Variants in SUSD1 observed in about 807,000 individuals in gnomAD.
The protein encoded by SUSD1 is sushi domain-containing protein 1.
A neutral mutation model predicts 86.9 loss-of-function variants in SUSD1; 65 were observed. The observed-to-expected ratio is 0.75, with a 90% CI of 0.61 to 0.92. The LOEUF is 0.92. Among genes scored for constraint, SUSD1 ranks in the 40% least tolerant of loss-of-function variants. The pLI, the probability that SUSD1 is intolerant of heterozygous loss-of-function variation, is 0.00. For missense variants in SUSD1, 850 were observed against 929.7 expected (o/e 0.91, Z 1.11); for synonymous variants, 346 against 350.0 (o/e 0.99, Z 0.13).
intron 10 of SUSD1, among the ~76,000 whole-genome samples, chr9:112,081,445 G>A (rs757200106): frequency 6.6e-6 from 1 of 152,180 alleles, no homozygotes; most frequent in Non-Finnish European, 1.5e-5. Flanking sequence ...AGATGAACAG[G>A]TGGTAAGGAA....
At chr9:112,133,028 A>G (rs1162656459) in intron 5 of SUSD1, among the ~76,000 whole-genome samples, 1 of 152,226 alleles carries the variant, frequency 6.6e-6, no homozygotes, top group Non-Finnish European at 1.5e-5. Flanking sequence ...CTGTAATCCT[A>G]GTACTTTGGA....
At chr9:112,046,270 T>C (rs1401185358) in intron 15 of SUSD1, among the ~76,000 whole-genome samples, 1 of 152,262 alleles carries the variant, frequency 6.6e-6, no homozygotes, top group Non-Finnish European at 1.5e-5. Flanking sequence ...GTATTTTTTA[T>C]AGCCTCACCA....
intron 1 of SUSD1, among the ~76,000 whole-genome samples, chr9:112,158,124 A>T (rs147249873): frequency 5.2e-4 from 79 of 152,000 alleles, no homozygotes; most frequent in Non-Finnish European, 9.0e-4. Context: ...GAGCTAGGCC[A>T]CAGTCAATGC....
intron 5 of SUSD1, among the ~76,000 whole-genome samples, chr9:112,137,400 T>A (rs1375559505): frequency 6.6e-6 from 1 of 152,170 alleles, no homozygotes; most frequent in Non-Finnish European, 1.5e-5. Flanking sequence ...TCTAAATTAA[T>A]TTTCTACATT....
intron 11 of SUSD1, among the ~76,000 whole-genome samples, chr9:112,079,763 C>T (rs1327533884): frequency 6.6e-6 from 1 of 152,028 alleles, no homozygotes; most frequent in East Asian, 1.9e-4. Context: ...CCACTACGCT[C>T]GGCTAATTTT....
intron 1 of SUSD1, among the ~76,000 whole-genome samples, chr9:112,163,379 C>G (rs1208212948): frequency 1.3e-5 from 2 of 151,946 alleles, no homozygotes; most frequent in Non-Finnish European, 2.9e-5. Context: ...GTTGCCCAGG[C>G]TGGTTTCAAG....
At chr9:112,099,850 A>G (rs1830552797) in intron 9 of SUSD1, among the ~76,000 whole-genome samples, 1 of 151,948 alleles carries the variant, frequency 6.6e-6, no homozygotes, top group African/African-American at 2.4e-5. Context: ...TCTCTCTCAA[A>G]CTCTTTGAAT....
In SUSD1 at chr9:112,175,108, C is replaced by A. The variant is rs1834220369; in HGVS notation, c.103+25G>T. The stretch of plus-strand genomic sequence containing the variant: ...CCAGCCGGGGGCCCCGCCGGCCGCC[C>A]GTGCCCGTCCCAGCCCGCACTCACC... On this transcript the variant is annotated intron_variant, in intron 1 of 16. Coordinates refer to ENST00000374270, the MANE Select transcript of SUSD1 (RefSeq NM_022486.5). The surrounding 1 kb of genome is among the most constrained non-coding windows in gnomAD (Gnocchi z 4.7). The A allele has an allele frequency of 7.9e-6, 8 of 1,016,156 alleles. No homozygotes were observed. The highest frequency in any genetic ancestry group is 4.5e-5 in the South Asian group (1 of 22,338). 62.9% of individuals were successfully genotyped at this position (1,016,156 alleles called of 1,614,324 possible).
chr9:112,133,120 T>TA (rs796252877), intron 5 of SUSD1, among the ~76,000 whole-genome samples: 1 of 152,034 alleles, frequency 6.6e-6, no homozygotes, highest in East Asian at 1.9e-4. Flanking sequence ...TCTACAAAAA[T>TA]AAAAAACAAA....
intron 5 of SUSD1, among the ~76,000 whole-genome samples, chr9:112,126,101 T>C (rs1468068299): frequency 1.3e-5 from 2 of 152,270 alleles, no homozygotes; most frequent in African/African-American, 4.8e-5. Flanking sequence ...TATTTGTGTG[T>C]ACACAAGCAA....
intron 11 of SUSD1, among the ~76,000 whole-genome samples, chr9:112,079,574 C>T (rs1321229504): frequency 2.0e-5 from 3 of 151,572 alleles, no homozygotes; most frequent in Non-Finnish European, 4.4e-5. Flanking sequence ...TAATTTCTTC[C>T]AGTAGAAGTT....
intron 9 of SUSD1, among the ~76,000 whole-genome samples, chr9:112,100,102 T>C (rs1340903713): frequency 6.6e-6 from 1 of 152,238 alleles, no homozygotes; most frequent in Non-Finnish European, 1.5e-5. Flanking sequence ...TCTATTTTCT[T>C]TAGCAAACCG....
At chr9:112,159,952 G>A (rs1353006602) in intron 1 of SUSD1, among the ~76,000 whole-genome samples, 3 of 151,682 alleles carry the variant, frequency 2.0e-5, no homozygotes, top group Non-Finnish European at 2.9e-5. Flanking sequence ...CAGCAGCATG[G>A]TTAGCATGTT....
chr9:112,072,004 T>G (rs1308386124), intron 12 of SUSD1, among the ~76,000 whole-genome samples: 1 of 152,188 alleles, frequency 6.6e-6, no homozygotes, highest in Non-Finnish European at 1.5e-5. Flanking sequence ...GAAACCAATT[T>G]CTTTTCACAT....
intron 5 of SUSD1, among the ~76,000 whole-genome samples, chr9:112,138,884 A>G (rs1832435487): frequency 6.6e-6 from 1 of 152,224 alleles, no homozygotes; most frequent in Admixed American, 6.5e-5. Context: ...ATATTTCACT[A>G]CAATAAATAG....
chr9:112,118,481 C>G (rs910749515), intron 6 of SUSD1, among the ~76,000 whole-genome samples: 1 of 152,022 alleles, frequency 6.6e-6, no homozygotes, highest in African/African-American at 2.4e-5. Flanking sequence ...TGGTGGCACG[C>G]GAATACTTTT....
intron 6 of SUSD1, among the ~76,000 whole-genome samples, chr9:112,124,027 G>A (rs909415079): frequency 1.3e-5 from 2 of 152,070 alleles, no homozygotes; most frequent in Non-Finnish European, 2.9e-5. Flanking sequence ...GCGATTTAAG[G>A]TGGGTCTCAA....
At chr9:112,169,365 C>T (rs1284515432) in intron 1 of SUSD1, 1 of 151,068 alleles carries the variant, frequency 6.6e-6, no homozygotes, top group African/African-American at 2.4e-5. Flanking sequence ...CTACTCTTTC[C>T]CCCTTCTCAC....
At chr9:112,058,714 C>G (rs1828568203) in intron 13 of SUSD1, 28 bp from the exon 14 acceptor site, 1 of 1,610,476 alleles carries the variant, frequency 6.2e-7, no homozygotes, top group Non-Finnish European at 8.5e-7. Context: ...AAGTGTCCAT[C>G]AGACCCTTGC....
Sources: gnomAD v4.1 joint callset for allele counts (sites outside exome capture counted in the v4.1 genomes callset) on GRCh38, gnomAD v4.1.1 for gene constraint, Gnocchi (gnomAD v3.1) non-coding constraint, MANE v1.5 for transcripts, NCBI Gene and HGNC (gene_info 2026-07-23, HGNC 2026-07-21) for gene names.